DAAM1: variants seen among roughly 807,000 people sequenced by gnomAD.
DAAM1 encodes disheveled-associated activator of morphogenesis 1.
A neutral mutation model predicts 130.0 loss-of-function variants in DAAM1; 52 were observed. That is an observed-to-expected ratio of 0.40 (90% confidence interval 0.32 to 0.50). The LOEUF (loss-of-function observed/expected upper bound fraction) is 0.50. Ranked by LOEUF, DAAM1 falls within the 20% of genes least tolerant of loss-of-function variation. The pLI is 0.61. For missense variants in DAAM1, 1,134 were observed against 1,303.8 expected (o/e 0.87, Z 2.01); for synonymous variants, 452 against 444.5 (o/e 1.02, Z -0.21).
chr14:59,283,692 A>T (rs781711303), intron 2 of DAAM1, among the ~76,000 whole-genome samples: 2 of 152,118 alleles, frequency 1.3e-5, no homozygotes, highest in African/African-American at 2.4e-5. Flanking sequence ...TCTCCTGGAG[A>T]TGAGGATATA....
intron 17 of DAAM1, among the ~76,000 whole-genome samples, chr14:59,350,439 C>T (rs1250639393): frequency 1.6e-5 from 2 of 126,862 alleles, no homozygotes; most frequent in African/African-American, 6.1e-5. Context: ...CCTGCATGCA[C>T]ACCCTCATGC....
At chr14:59,289,769 T>TAG (rs1566686615) in intron 2 of DAAM1, among the ~76,000 whole-genome samples, 1,760 of 59,644 alleles carry the variant, frequency 0.03, 83 homozygotes, top group Non-Finnish European at 0.063. Flanking sequence ...CAAAATGTGA[T>TAG]ATATATATAT....
chr14:59,359,784 A>G (rs904889831), intron 21 of DAAM1, among the ~76,000 whole-genome samples: 3 of 152,278 alleles, frequency 2.0e-5, no homozygotes, highest in Non-Finnish European at 2.9e-5. Flanking sequence ...TTAAATAAAG[A>G]TGCATGGCTA....
chr14:59,218,556 A>G (rs538579842), intron 1 of DAAM1, among the ~76,000 whole-genome samples: 1 of 152,366 alleles, frequency 6.6e-6, no homozygotes, highest in African/African-American at 2.4e-5. Flanking sequence ...CAATATGTAA[A>G]TAGTTATTAT....
At chr14:59,274,242 A>C (rs564931851) in intron 2 of DAAM1, among the ~76,000 whole-genome samples, 2 of 152,198 alleles carry the variant, frequency 1.3e-5, no homozygotes, top group Non-Finnish European at 2.9e-5. Flanking sequence ...TACTCAGTGC[A>C]ATATTTAAGA....
At chr14:59,283,410 A>G (rs1157572739) in intron 2 of DAAM1, among the ~76,000 whole-genome samples, 2 of 152,186 alleles carry the variant, frequency 1.3e-5, no homozygotes, top group Non-Finnish European at 2.9e-5. Context: ...ATGTTCCCTC[A>G]TAATGGAATT....
Position 59,370,144 on chromosome 14 carries a change from C to CTTTTTTTTTTTTTTTTTTTT in DAAM1, c.*1292_*1311dup, listed in dbSNP as rs398025271. ...TATAAAGAGGACTGTTACTTTTTTA[C>CTTTTTTTTTTTTTTTTTTTT]TTTTTTTTTTTTTTTTTTTTTTTTT... On this transcript the variant is annotated 3_prime_UTR_variant, in exon 25 of 25. Transcript: ENST00000360909. The CTTTTTTTTTTTTTTTTTTTT allele has an allele frequency of 1.0e-4, 10 of 95,402 alleles. No homozygotes were observed. The highest frequency in any genetic ancestry group is 3.1e-4 in the East Asian group (1 of 3,182). The allele number at this position is 95,402 out of a possible 1,614,324, so 5.9% of individuals were successfully genotyped here. A position where few individuals can be genotyped will look rare whatever the true frequency, so the allele number is the denominator to read the frequency against.
intron 24 of DAAM1, among the ~76,000 whole-genome samples, chr14:59,368,402 G>A (rs990819227): frequency 8.6e-5 from 13 of 151,984 alleles, no homozygotes; most frequent in African/African-American, 3.1e-4. Context: ...AGAATATCAT[G>A]CAGTTTACCT....
intron 5 of DAAM1, 146 bp from the exon 6 acceptor site, chr14:59,322,746 C>A: frequency 1.5e-6 from 1 of 647,924 alleles, no homozygotes; most frequent in Non-Finnish European, 2.6e-6. Context: ...AAGGAAGAGG[C>A]AAAGAATTAA....
intron 15 of DAAM1, among the ~76,000 whole-genome samples, chr14:59,332,922 C>A (rs1178570802): frequency 6.6e-6 from 1 of 152,026 alleles, no homozygotes; most frequent in Non-Finnish European, 1.5e-5. Context: ...CCCTTAACTC[C>A]CAGATGAATC....
In DAAM1 at chr14:59,198,876, C is replaced by T. The variant is rs910954083; in HGVS notation, c.-38+10108C>T. Among the ~76,000 whole-genome samples the T allele has an allele frequency of 7.2e-5, 11 of 152,250 alleles. No homozygotes were observed. In the East Asian group the frequency reaches 1.2e-3, roughly 16 times the overall value. ...ATCGTGGCAATTCCTTTAAACTTTC[C>T]GGACCTCTCTTTCCTCATTCACAGT... is the stretch of plus-strand genomic sequence containing the variant. On this transcript the variant is annotated intron_variant, in intron 1 of 24. Coordinates refer to ENST00000360909, the MANE Select transcript of DAAM1 (RefSeq NM_001270520.2).
intron 12 of DAAM1, among the ~76,000 whole-genome samples, chr14:59,327,517 C>T (rs988663704): frequency 6.1e-5 from 9 of 147,942 alleles, no homozygotes; most frequent in Non-Finnish European, 1.2e-4. Flanking sequence ...ACGTCATTCT[C>T]CTGCCTCAGC....
chr14:59,204,062 T>G (rs1888190564), intron 1 of DAAM1, among the ~76,000 whole-genome samples: 1 of 152,240 alleles, frequency 6.6e-6, no homozygotes, highest in Non-Finnish European at 1.5e-5. Context: ...AAGGTAGGCC[T>G]TGAGATACTG....
chr14:59,280,491 C>T (rs1883160533), intron 2 of DAAM1, among the ~76,000 whole-genome samples: 1 of 151,310 alleles, frequency 6.6e-6, no homozygotes, highest in Non-Finnish European at 1.5e-5. Flanking sequence ...CCTTCCCTTC[C>T]TCCCTCCCAG....
intron 8 of DAAM1, among the ~76,000 whole-genome samples, chr14:59,325,335 T>C (rs1456350251): frequency 1.3e-5 from 2 of 152,198 alleles, no homozygotes; most frequent in Non-Finnish European, 2.9e-5. Context: ...AAGTTAAGTG[T>C]AGGTATATGG....
rs1423121177 is a variant in DAAM1 at position 59,331,487 on chromosome 14, C to T, written c.1839C>T (p.Phe613=). 1 of 1,607,854 alleles carries T rather than the reference C, an allele frequency of 6.2e-7. No individual in the cohort carries two copies. The highest frequency in any genetic ancestry group is 1.3e-5 in the African/African-American group (1 of 74,796). The change falls in exon 14 of 25, where the codon TTC becomes TTT. Residue 613 remains phenylalanine, a synonymous_variant. Transcript: ENST00000360909. ...AGCCCACAAATGCCCTGAAATCCTTCAACTGGTCTAAACTGCCCGAGGTGA... is the reference window on the plus strand; with the variant it reads ...AGCCCACAAATGCCCTGAAATCCTTTAACTGGTCTAAACTGCCCGAGGTGA... ...IPQPTNALKS[F]NWSKLPENKL...
rs183284517 is a variant in DAAM1 at position 59,331,932 on chromosome 14, T to A, written c.1968+12T>A. ...ATCAAAGACAGCAGGTAACAGCATA[T>A]GCCCTCCAGACACCAAAAAGGTAGA... On this transcript the variant is annotated intron_variant, in intron 15 of 24. Coordinates refer to ENST00000360909, the MANE Select transcript of DAAM1 (RefSeq NM_001270520.2). 34 of 1,607,506 alleles carry A rather than the reference T, an allele frequency of 2.1e-5. No individual in the cohort carries two copies. Among genetic ancestry groups the A allele is most frequent in the Non-Finnish European group, 2.5e-5 (29 of 1,174,830 alleles).
At chr14:59,292,762 C>T (rs1045778018) in intron 3 of DAAM1, among the ~76,000 whole-genome samples, 1 of 152,196 alleles carries the variant, frequency 6.6e-6, no homozygotes, top group African/African-American at 2.4e-5. Context: ...ATCTCTGAGC[C>T]TCTATCAGAT....
intron 15 of DAAM1, among the ~76,000 whole-genome samples, chr14:59,337,917 A>T (rs1022466946): frequency 6.6e-6 from 1 of 152,138 alleles, no homozygotes; most frequent in Non-Finnish European, 1.5e-5. Context: ...GATTATTTTC[A>T]TCAAAAAAAG....
Sources: allele counts gnomAD v4.1 joint callset (sites outside exome capture counted in the v4.1 genomes callset), GRCh38; gene constraint gnomAD v4.1.1; transcripts MANE v1.5; gene names NCBI Gene and HGNC (gene_info 2026-07-23, HGNC 2026-07-21).